CA10: variants seen among roughly 807,000 people sequenced by gnomAD.
CA10 encodes the protein carbonic anhydrase-related protein 10.
A neutral mutation model predicts 44.2 loss-of-function variants in CA10; 14 were observed. The ratio of observed to expected loss-of-function variants is 0.32; its 90% confidence interval spans 0.21 to 0.50. CA10 has a LOEUF of 0.50. Ranked by LOEUF, CA10 falls within the 20% of genes least tolerant of loss-of-function variation. The probability of loss-of-function intolerance (pLI) is 0.99; values close to 1 mark genes in which losing one functional copy is unlikely to be tolerated. For missense variants in CA10, 350 were observed against 409.7 expected (o/e 0.85, Z 1.26); for synonymous variants, 159 against 141.6 (o/e 1.12, Z -0.87).
intron 3 of CA10, among the ~76,000 whole-genome samples, chr17:51,897,490 A>G (rs1981122613): frequency 6.6e-6 from 1 of 152,134 alleles, no homozygotes; most frequent in African/African-American, 2.4e-5. Flanking sequence ...ATTTGAAGTC[A>G]GGTAATGTAA....
chr17:51,814,353 G>A (rs1276339750), intron 3 of CA10, among the ~76,000 whole-genome samples: 2 of 152,196 alleles, frequency 1.3e-5, no homozygotes, highest in African/African-American at 4.8e-5. Flanking sequence ...CAGTGGGAGT[G>A]TGAAGAAATT....
At chr17:51,951,517 G>A (rs1983482301) in intron 2 of CA10, among the ~76,000 whole-genome samples, 2 of 151,768 alleles carry the variant, frequency 1.3e-5, no homozygotes, top group Admixed American at 6.6e-5. Flanking sequence ...AATCATCTTT[G>A]GTAACAACAT....
intron 3 of CA10, among the ~76,000 whole-genome samples, chr17:51,880,561 C>T (rs1980317843): frequency 6.6e-6 from 1 of 152,140 alleles, no homozygotes; most frequent in Non-Finnish European, 1.5e-5. Context: ...CTCAGCCTTT[C>T]AAAGTGCTGG....
At position 52,018,740 on chromosome 17, in the gene CA10, T is replaced by C. The variant is rs79321283; in HGVS notation, c.136+53579A>G. 1.6e-3 allele frequency among the ~76,000 whole-genome samples: 240 copies of C among 152,190 alleles called. 6 individuals are homozygous for C. The East Asian group carries it at 0.033, about 21-fold the overall frequency. ...GGGAAAGGATGATTGTATTTTGGAA[T>C]GTGAGATGAACATGAAATTTGGAGG... On this transcript the variant is annotated intron_variant, in intron 2 of 8. Transcript: ENST00000451037.
chr17:51,667,512 C>A (rs368597938), intron 4 of CA10, among the ~76,000 whole-genome samples: 1 of 151,796 alleles, frequency 6.6e-6, no homozygotes, highest in African/African-American at 2.4e-5. Context: ...TTTCCCTATC[C>A]GTAAATTGGA....
chr17:51,762,623 C>T (rs996520063), intron 3 of CA10: 8 of 152,118 alleles, frequency 5.3e-5, no homozygotes, highest in African/African-American at 1.9e-4. Flanking sequence ...CACTGTGTGA[C>T]AGATTCTTTG....
chr17:51,743,551 T>C (rs1904546956), intron 4 of CA10, among the ~76,000 whole-genome samples: 1 of 152,230 alleles, frequency 6.6e-6, no homozygotes, highest in South Asian at 2.1e-4. Flanking sequence ...GACTATGTCA[T>C]ACATCCATGC....
intron 2 of CA10, among the ~76,000 whole-genome samples, chr17:52,013,164 G>A (rs563519110): frequency 2.6e-5 from 4 of 152,090 alleles, no homozygotes; most frequent in African/African-American, 9.6e-5. Context: ...CAGAAAAAGA[G>A]ATATCCATTG....
chr17:51,702,607 C>G (rs978098808), intron 4 of CA10, among the ~76,000 whole-genome samples: 3 of 152,218 alleles, frequency 2.0e-5, no homozygotes, highest in Admixed American at 6.5e-5. Context: ...CTTTCTCTGC[C>G]TGGGGAGACC....
chr17:52,118,134 T>G (rs1341714615), intron 1 of CA10, among the ~76,000 whole-genome samples: 2 of 152,146 alleles, frequency 1.3e-5, no homozygotes, highest in Non-Finnish European at 2.9e-5. Context: ...GATAGAATTG[T>G]CTGTAAAGTT....
At chr17:52,012,614 TCA>T (rs1451928136) in intron 2 of CA10, among the ~76,000 whole-genome samples, 1 of 152,046 alleles carries the variant, frequency 6.6e-6, no homozygotes, top group Non-Finnish European at 1.5e-5. Context: ...TAAACTATGT[TCA>T]GTACGTTCAG....
chr17:51,759,143 G>T (rs1905150937), intron 3 of CA10, among the ~76,000 whole-genome samples: 1 of 152,104 alleles, frequency 6.6e-6, no homozygotes, highest in Admixed American at 6.6e-5. Flanking sequence ...ATTGTTGGTT[G>T]TCTGGATCAA....
At chr17:52,071,029 AAAGT>A (rs1394873426) in intron 2 of CA10, among the ~76,000 whole-genome samples, 1 of 152,236 alleles carries the variant, frequency 6.6e-6, no homozygotes, top group Non-Finnish European at 1.5e-5. Flanking sequence ...TCCTAGGAAA[AAAGT>A]ATGTAAACAT....
intron 3 of CA10, among the ~76,000 whole-genome samples, chr17:51,816,202 A>C (rs566309315): frequency 1.3e-5 from 2 of 152,226 alleles, no homozygotes; most frequent in South Asian, 4.1e-4. Flanking sequence ...TTCACCTCAC[A>C]TAATGATCTT....
At chr17:51,747,568 A>G in intron 4 of CA10, 65 bp downstream of exon 4, 1 of 1,340,552 alleles carries the variant, frequency 7.5e-7, no homozygotes, top group South Asian at 1.4e-5. Flanking sequence ...CCCATCTTGG[A>G]CACAAACAGG....
At chr17:51,805,251 C>A (rs540592217) in intron 3 of CA10, among the ~76,000 whole-genome samples, 3 of 152,312 alleles carry the variant, frequency 2.0e-5, no homozygotes, top group African/African-American at 7.2e-5. Flanking sequence ...TTCCACTATT[C>A]TATTCATTAA....
At chr17:51,994,383 C>T (rs529328497) in intron 2 of CA10, among the ~76,000 whole-genome samples, 53 of 152,140 alleles carry the variant, frequency 3.5e-4, no homozygotes, top group African/African-American at 1.2e-3. Context: ...CAAATTTGCA[C>T]GTGACCTTAG....
Position 51,653,679 on chromosome 17 carries a change from T to G in CA10, c.523A>C (p.Ser175Arg). 2 of 1,610,764 alleles carry G rather than the reference T, an allele frequency of 1.2e-6. No individual in the cohort carries two copies. Among genetic ancestry groups the G allele is most frequent in the South Asian group, 1.1e-5 (1 of 91,016 alleles). Reference sequence around the variant, plus strand: ...GAAACTACCACCAATCCATTTGGACTCTTTGCAGCTTCTGTGACATTCGTA... The same window carrying G: ...GAAACTACCACCAATCCATTTGGACGCTTTGCAGCTTCTGTGACATTCGTA... ...LYTNVTEAAK[S>R]PNGLVVVSIF... The change falls in exon 5 of 9, where the codon AGT becomes CGT. Residue 175 changes from serine (S) to arginine (R), a missense_variant. Transcript: ENST00000451037.
At chr17:51,888,469 A>T (rs561194055) in intron 3 of CA10, among the ~76,000 whole-genome samples, 2 of 152,340 alleles carry the variant, frequency 1.3e-5, no homozygotes, top group African/African-American at 4.8e-5. Flanking sequence ...AAATAATTTG[A>T]AGGTAAACAT....
Sources: allele counts gnomAD v4.1 joint callset (sites outside exome capture counted in the v4.1 genomes callset), GRCh38; gene constraint gnomAD v4.1.1; transcripts MANE v1.5; gene names NCBI Gene and HGNC (gene_info 2026-07-23, HGNC 2026-07-21).